Variants in AXDND1 observed in about 807,000 individuals in gnomAD.
AXDND1 encodes axonemal dynein light chain domain-containing protein 1.
In AXDND1, 110 loss-of-function variants were observed where a neutral mutation model predicts 137.5. The observed-to-expected ratio is 0.80, with a 90% CI of 0.69 to 0.94. The LOEUF (loss-of-function observed/expected upper bound fraction) is 0.94. AXDND1 is among the 40% of genes least tolerant of loss of function. The probability of loss-of-function intolerance (pLI) is 0.00; values close to 1 mark genes in which losing one functional copy is unlikely to be tolerated. For missense variants in AXDND1, 1,191 were observed against 1,169.8 expected (o/e 1.02, Z -0.26); for synonymous variants, 414 against 399.7 (o/e 1.04, Z -0.43).
At chr1:179,462,381 T>A (rs568975107) in intron 16 of AXDND1, among the ~76,000 whole-genome samples, 70 of 152,360 alleles carry the variant, frequency 4.6e-4, no homozygotes, top group African/African-American at 1.6e-3. Flanking sequence ...CAGCCTTGAA[T>A]CCCAGGGATG....
In AXDND1 at chr1:179,372,621, A is replaced by G. The variant is rs184714527; in HGVS notation, c.374+2543A>G. Among the ~76,000 whole-genome samples the G allele has an allele frequency of 1.2e-4, 18 of 152,290 alleles. No homozygotes were observed. The East Asian group carries it at 3.1e-3, about 26-fold the overall frequency. On this transcript the variant is annotated intron_variant, in intron 4 of 25. Transcript: ENST00000367618. ...TTTAAATAAAAATAGATTTTCCAGA[A>G]GAGTGGAAGCGGGTGTTTTACCATA...
chr1:179,534,887 G>T lies in AXDND1; in HGVS notation c.2956G>T (p.Val986Leu), dbSNP rs768194036. 5 of 1,594,930 alleles carry T rather than the reference G, an allele frequency of 3.1e-6. No individual in the cohort carries two copies. In the African/African-American group the frequency reaches 6.8e-5, roughly 22 times the overall value. Residue 986 changes from valine to leucine, a missense_variant, in exon 25 of 26, where the codon GTA (valine) becomes TTA (leucine). Val to Leu is a conservative substitution (Grantham distance 32). Transcript: ENST00000367618. ...GAAAGAAAATCAAGATGAAAGAGAA[G>T]TAAAAGAAGAAGAAGAACAACAAGA... is the stretch of plus-strand genomic sequence containing the variant. ...EEKENQDERE[V>L]KEEEEQQEEE...
At chr1:179,400,344 T>A (rs1337805659) in intron 11 of AXDND1, among the ~76,000 whole-genome samples, 4 of 152,028 alleles carry the variant, frequency 2.6e-5, no homozygotes, top group African/African-American at 7.2e-5. Context: ...CCAAACATTG[T>A]ATGTTCTCAC....
chr1:179,411,341 T>A, intron 12 of AXDND1, 75 bp downstream of exon 12: 1 of 1,566,326 alleles, frequency 6.4e-7, no homozygotes, highest in Non-Finnish European at 8.6e-7. Context: ...AAATTTGTTT[T>A]TTTTGTTTTG....
chr1:179,481,783 A>C (rs1261676704), intron 17 of AXDND1, among the ~76,000 whole-genome samples: 1 of 152,240 alleles, frequency 6.6e-6, no homozygotes, highest in East Asian at 1.9e-4. Flanking sequence ...TAAATTATCT[A>C]TTGTTTTCAA....
At position 179,465,949 on chromosome 1, in the gene AXDND1, C is replaced by G. The variant is rs866349175; in HGVS notation, c.1799-2494C>G. Reference sequence around the variant, plus strand: ...GCGCGGGATATAATCTCCTGGTGTGCCGTTTGCTAAGACCATTGGAAAAGC... The same window carrying G: ...GCGCGGGATATAATCTCCTGGTGTGGCGTTTGCTAAGACCATTGGAAAAGC... On this transcript the variant is annotated intron_variant, in intron 16 of 25. Transcript: ENST00000367618. Among the ~76,000 whole-genome samples, 7 of 152,332 alleles carry G rather than the reference C, an allele frequency of 4.6e-5. No individual in the cohort carries two copies. In the Middle Eastern group the frequency reaches 0.01, roughly 222 times the overall value.
intron 15 of AXDND1, among the ~76,000 whole-genome samples, chr1:179,438,217 A>C (rs1282191845): frequency 2.6e-5 from 4 of 151,366 alleles, no homozygotes; most frequent in Non-Finnish European, 5.9e-5. Context: ...TTGGATGTGA[A>C]AGCTACCGGC....
At chr1:179,456,280 G>A (rs1036661796) in intron 16 of AXDND1, 7 of 737,372 alleles carry the variant, frequency 9.5e-6, no homozygotes, top group Admixed American at 1.7e-5. Flanking sequence ...TAGCCACCTT[G>A]GTTTTGTGGT....
chr1:179,442,271 T>C (rs1219176612), intron 15 of AXDND1, among the ~76,000 whole-genome samples: 4 of 152,202 alleles, frequency 2.6e-5, no homozygotes, highest in Non-Finnish European at 5.9e-5. Context: ...CAATTGGAGC[T>C]GTGGGTGGGA....
At chr1:179,422,885 T>C (rs907156379) in intron 12 of AXDND1, among the ~76,000 whole-genome samples, 7 of 152,146 alleles carry the variant, frequency 4.6e-5, no homozygotes, top group African/African-American at 1.4e-4. Flanking sequence ...TGCCTCCATC[T>C]CCCAAGTAGC....
At chr1:179,431,723 C>T (rs564896029) in intron 14 of AXDND1, among the ~76,000 whole-genome samples, 6 of 152,108 alleles carry the variant, frequency 3.9e-5, no homozygotes, top group Admixed American at 1.3e-4. Flanking sequence ...AAGCTGGCTG[C>T]TCCTGCCGTG....
intron 21 of AXDND1, among the ~76,000 whole-genome samples, chr1:179,513,323 A>C (rs1011121665): frequency 6.6e-6 from 1 of 152,302 alleles, no homozygotes; most frequent in South Asian, 2.1e-4. Flanking sequence ...TGAGATGATC[A>C]TGTGACTTTT....
chr1:179,366,412 G>T lies in AXDND1; in HGVS notation c.-98G>T. On this transcript the variant is annotated 5_prime_UTR_variant, in exon 2 of 26. Coordinates refer to ENST00000367618, the MANE Select transcript of AXDND1 (RefSeq NM_144696.6). ...TTTTCCTCTGCCTGCAGGACTATGT[G>T]GCAGCCTGCAAGTCCCAGTGCGGCG... 1.2e-6 allele frequency: 1 copy of T among 862,628 alleles called. No individual in the cohort carries two copies. Among genetic ancestry groups the T allele is most frequent in the Non-Finnish European group, 1.9e-6 (1 of 524,702 alleles). The allele number at this position is 862,628 out of a possible 1,614,324, so 53.4% of individuals were successfully genotyped here.
At chr1:179,456,486 C>T in intron 16 of AXDND1, 1 of 769,120 alleles carries the variant, frequency 1.3e-6, no homozygotes, top group South Asian at 1.3e-5. Context: ...ATTATAGCTG[C>T]CACTCCCACC....
chr1:179,482,098 A>ATTTTTTT (rs57145549), intron 17 of AXDND1, among the ~76,000 whole-genome samples: 2 of 108,070 alleles, frequency 1.9e-5, no homozygotes, highest in African/African-American at 3.9e-5. Context: ...GAGCTTTTTA[A>ATTTTTTT]TTTTTTTTTT....
At chr1:179,482,183 A>T (rs996180454) in intron 17 of AXDND1, among the ~76,000 whole-genome samples, 1 of 142,752 alleles carries the variant, frequency 7.0e-6, no homozygotes, top group African/African-American at 2.7e-5. Context: ...GGGGGTAGAG[A>T]CAATGGAAAG....
intron 16 of AXDND1, among the ~76,000 whole-genome samples, chr1:179,457,502 A>G (rs1468817516): frequency 1.3e-5 from 2 of 152,204 alleles, no homozygotes; most frequent in Non-Finnish European, 2.9e-5. Context: ...TTCTTAGTTT[A>G]GCTTCCCCCA....
chr1:179,543,090 C>T (rs1216257957), intron 25 of AXDND1: 1 of 152,064 alleles, frequency 6.6e-6, no homozygotes, highest in Non-Finnish European at 1.5e-5. Flanking sequence ...TATATTAGTG[C>T]AATAAAATCA....
At chr1:179,399,714 TCAAA>T (rs1443748555) in intron 11 of AXDND1, among the ~76,000 whole-genome samples, 2 of 151,986 alleles carry the variant, frequency 1.3e-5, no homozygotes, top group Non-Finnish European at 2.9e-5. Flanking sequence ...TACAATGAAC[TCAAA>T]CAAATCGGTA....
Sources: gnomAD v4.1 joint callset for allele counts (sites outside exome capture counted in the v4.1 genomes callset) on GRCh38, gnomAD v4.1.1 for gene constraint, MANE v1.5 for transcripts, NCBI Gene and HGNC (gene_info 2026-07-23, HGNC 2026-07-21) for gene names.